SESTD1: variants seen among roughly 807,000 people sequenced by gnomAD.
SESTD1 encodes the protein SEC14 domain and spectrin repeat-containing protein 1.
A neutral mutation model predicts 101.7 loss-of-function variants in SESTD1; 43 were observed. The observed-to-expected ratio is 0.42, with a 90% CI of 0.33 to 0.55. The LOEUF is 0.55. Among genes scored for constraint, SESTD1 ranks in the 20% least tolerant of loss-of-function variants. The pLI is 0.07. For missense variants in SESTD1, 647 were observed against 815.1 expected, an observed-to-expected ratio of 0.79 and a Z score of 2.51; for synonymous variants, 283 against 286.8, an observed-to-expected ratio of 0.99 and a Z score of 0.13.
intron 9 of SESTD1, among the ~76,000 whole-genome samples, chr2:179,135,145 A>T (rs1339291255): frequency 6.6e-6 from 1 of 152,184 alleles, no homozygotes; most frequent in East Asian, 1.9e-4. Context: ...GGGTTTCACC[A>T]TCTTGGCCAG....
At chr2:179,225,193 G>C (rs1023753543) in intron 1 of SESTD1, among the ~76,000 whole-genome samples, 2 of 152,070 alleles carry the variant, frequency 1.3e-5, no homozygotes, top group Non-Finnish European at 2.9e-5. Flanking sequence ...GCTGGTGGGG[G>C]AAAATTTCCA....
intron 1 of SESTD1, among the ~76,000 whole-genome samples, chr2:179,220,932 G>A (rs548643252): frequency 1.3e-5 from 2 of 152,140 alleles, no homozygotes; most frequent in Admixed American, 6.5e-5. Context: ...AAATGCATTC[G>A]GAACAGAGGT....
intron 13 of SESTD1, among the ~76,000 whole-genome samples, chr2:179,119,658 C>CTAAT (rs2044705557): frequency 1.3e-5 from 2 of 152,164 alleles, no homozygotes; most frequent in South Asian, 4.1e-4. Context: ...TGAGAATGGA[C>CTAAT]TAATAAATAC....
Position 179,116,663 on chromosome 2 carries a change from T to G in SESTD1, c.1647+5A>C. 6.2e-7 allele frequency: 1 copy of G among 1,614,130 alleles called. No homozygotes were observed. Among genetic ancestry groups the G allele is most frequent in the Non-Finnish European group, 8.5e-7 (1 of 1,179,998 alleles). ...TGTGGAAAAGGAAGATAACCAGTTT[T>G]GCACCTGTGCAACATCAACAAATTT... On this transcript the variant is annotated splice_donor_5th_base_variant and intron_variant, in intron 15 of 17. Transcript: ENST00000428443.
chr2:179,171,829 C>A (rs1278142498), intron 5 of SESTD1, among the ~76,000 whole-genome samples: 1 of 152,154 alleles, frequency 6.6e-6, no homozygotes, highest in East Asian at 1.9e-4. Context: ...AATTTCCTCT[C>A]CATAATGCAA....
chr2:179,144,376 A>G (rs1234598849), intron 8 of SESTD1, among the ~76,000 whole-genome samples: 1 of 152,040 alleles, frequency 6.6e-6, no homozygotes, highest in African/African-American at 2.4e-5. Flanking sequence ...TAATATTTAT[A>G]TAATCTCTAT....
chr2:179,131,226 AG>A (rs1049326200), intron 10 of SESTD1, among the ~76,000 whole-genome samples: 6 of 149,342 alleles, frequency 4.0e-5, no homozygotes, highest in African/African-American at 1.5e-4. Flanking sequence ...AAGCAATATG[AG>A]GAAACTAAGC....
chr2:179,242,389 C>T (rs1443753601), intron 1 of SESTD1, among the ~76,000 whole-genome samples: 1 of 152,042 alleles, frequency 6.6e-6, no homozygotes, highest in Non-Finnish European at 1.5e-5. Flanking sequence ...GCCATACTGC[C>T]CAAAGCAATC....
Position 179,172,110 on chromosome 2 carries a change from T to C in SESTD1, c.369+10A>G. On this transcript the variant is annotated intron_variant, in intron 5 of 17. Coordinates refer to ENST00000428443, the MANE Select transcript of SESTD1 (RefSeq NM_178123.5). ...ATATAATGGACTTTAAAAAAAGAGA[T>C]TACATTTACCTCAAAGCCAAGTCTA... The C allele has an allele frequency of 2.6e-6, 4 of 1,518,140 alleles. No individual in the cohort carries two copies. Among genetic ancestry groups the C allele is most frequent in the African/African-American group, 1.4e-5 (1 of 72,400 alleles). 94.0% of individuals were successfully genotyped at this position (1,518,140 alleles called of 1,614,324 possible). A position where few individuals can be genotyped will look rare whatever the true frequency, so the allele number is the denominator to read the frequency against.
chr2:179,236,045 A>G (rs2105542564), intron 1 of SESTD1, among the ~76,000 whole-genome samples: 1 of 152,236 alleles, frequency 6.6e-6, no homozygotes, highest in East Asian at 1.9e-4. Context: ...CTCCCTCCTC[A>G]GTGCTACCAT....
At chr2:179,247,340 T>TATAA (rs2047248859) in intron 1 of SESTD1, among the ~76,000 whole-genome samples, 1 of 152,108 alleles carries the variant, frequency 6.6e-6, no homozygotes, top group Admixed American at 6.5e-5. Flanking sequence ...AAATGAAGCA[T>TATAA]AAGTTCTTAT....
At chr2:179,154,158 A>T (rs1363330570) in intron 5 of SESTD1, among the ~76,000 whole-genome samples, 1 of 151,262 alleles carries the variant, frequency 6.6e-6, no homozygotes, top group Admixed American at 6.6e-5. Flanking sequence ...ACTTGTTTCC[A>T]GGAGTTAGGC....
intron 5 of SESTD1, among the ~76,000 whole-genome samples, chr2:179,155,687 TA>T (rs575946829): frequency 1.3e-5 from 2 of 152,198 alleles, no homozygotes; most frequent in African/African-American, 2.4e-5. Context: ...ATATTCTATT[TA>T]AATACTGACA....
At chr2:179,175,358 A>T (rs1001261087) in intron 4 of SESTD1, among the ~76,000 whole-genome samples, 2 of 152,134 alleles carry the variant, frequency 1.3e-5, no homozygotes, top group Admixed American at 1.3e-4. Context: ...ATTCTCCTTA[A>T]TTATCATTTA....
chr2:179,134,276 C>A (rs1025704461), intron 9 of SESTD1, among the ~76,000 whole-genome samples: 3 of 152,158 alleles, frequency 2.0e-5, no homozygotes, highest in Non-Finnish European at 4.4e-5. Context: ...TAGTTTTCAT[C>A]CCGTTTTTCA....
intron 2 of SESTD1, among the ~76,000 whole-genome samples, chr2:179,186,751 G>A (rs1406470994): frequency 2.7e-5 from 4 of 146,284 alleles, no homozygotes; most frequent in South Asian, 2.2e-4. Flanking sequence ...GCAGTGGCGC[G>A]ATCTTGGCTC....
chr2:179,185,724 T>C (rs2046213150), intron 2 of SESTD1, among the ~76,000 whole-genome samples: 1 of 117,590 alleles, frequency 8.5e-6, no homozygotes, highest in Non-Finnish European at 1.6e-5. Context: ...TAATATAGCA[T>C]ATTATATATA....
chr2:179,124,348 CAGAAT>C lies in SESTD1; in HGVS notation c.1167+11_1167+15del, dbSNP rs749997512. On this transcript the variant is annotated intron_variant, in intron 11 of 17. Transcript: ENST00000428443. ...GATAATTTGAAGAAAAGAAAAGAAT[CAGAAT>C]AGACACTTACATCTTGGGCAACACC... 6.3e-7 allele frequency: 1 copy of C among 1,595,372 alleles called. No individual in the cohort carries two copies. The highest frequency in any genetic ancestry group is 1.7e-5 in the Admixed American group (1 of 57,766).
intron 9 of SESTD1, among the ~76,000 whole-genome samples, chr2:179,139,504 C>T (rs942808090): frequency 1.3e-5 from 2 of 152,234 alleles, no homozygotes; most frequent in Admixed American, 6.5e-5. Flanking sequence ...CCTGCTTCCT[C>T]ATAGTTGTTT....
Sources: allele counts gnomAD v4.1 joint callset (sites outside exome capture counted in the v4.1 genomes callset), GRCh38; gene constraint gnomAD v4.1.1; transcripts MANE v1.5; gene names NCBI Gene and HGNC (gene_info 2026-07-23, HGNC 2026-07-21).